B3GALT1: variants seen among roughly 807,000 people sequenced by gnomAD.
B3GALT1 encodes the protein UDP-Gal:betaGlcNAc beta 1,3-galactosyltransferase, polypeptide 1.
In B3GALT1, 10 loss-of-function variants were observed where a neutral mutation model predicts 23.2. The observed-to-expected ratio is 0.43, with a 90% CI of 0.27 to 0.73. The LOEUF (loss-of-function observed/expected upper bound fraction) is 0.73, where lower values mean the gene tolerates loss of function less well. B3GALT1 is among the 30% of genes least tolerant of loss of function. B3GALT1 has a pLI of 0.21. For missense variants in B3GALT1, 299 were observed against 405.4 expected (o/e 0.74, Z 2.25); for synonymous variants, 156 against 141.5 (o/e 1.10, Z -0.73).
chr2:167,351,745 TTCTC>T (rs1389370437), intron 1 of B3GALT1, among the ~76,000 whole-genome samples: 9 of 152,324 alleles, frequency 5.9e-5, no homozygotes, highest in Non-Finnish European at 1.2e-4. Flanking sequence ...TCAATTTTCT[TTCTC>T]TCTTACTTTT....
At chr2:167,462,784 G>A (rs2105326446) in intron 1 of B3GALT1, among the ~76,000 whole-genome samples, 1 of 152,154 alleles carries the variant, frequency 6.6e-6, no homozygotes, top group South Asian at 2.1e-4. Context: ...GTAATCTTTA[G>A]CTCATTATAA....
intron 4 of B3GALT1, among the ~76,000 whole-genome samples, chr2:167,850,155 G>A (rs1309865702): frequency 6.6e-6 from 1 of 152,100 alleles, no homozygotes; most frequent in Non-Finnish European, 1.5e-5. Context: ...TCTGACAAAG[G>A]ACTAATATCC....
chr2:167,499,676 TC>T (rs1699825517), intron 2 of B3GALT1, among the ~76,000 whole-genome samples: 1 of 152,066 alleles, frequency 6.6e-6, no homozygotes, highest in Non-Finnish European at 1.5e-5. Flanking sequence ...CATGGATTTT[TC>T]CCCCTTCCAC....
At chr2:167,813,411 A>T (rs1688931194) in intron 3 of B3GALT1, among the ~76,000 whole-genome samples, 1 of 152,208 alleles carries the variant, frequency 6.6e-6, no homozygotes, top group African/African-American at 2.4e-5. Context: ...GTCAACACTG[A>T]GTCACTTTTT....
intron 2 of B3GALT1, among the ~76,000 whole-genome samples, chr2:167,583,782 T>C (rs1344646903): frequency 6.6e-6 from 1 of 152,188 alleles, no homozygotes; most frequent in South Asian, 2.1e-4. Context: ...TGACAGAAAT[T>C]TTGGATTCTC....
intron 3 of B3GALT1, among the ~76,000 whole-genome samples, chr2:167,658,324 A>G (rs1685992673): frequency 6.6e-6 from 1 of 152,048 alleles, no homozygotes; most frequent in South Asian, 2.1e-4. Context: ...ATGCTGGTAG[A>G]AAAAAAATCC....
chr2:167,787,991 C>T (rs1165378744), intron 3 of B3GALT1, among the ~76,000 whole-genome samples: 2 of 152,094 alleles, frequency 1.3e-5, no homozygotes, highest in Non-Finnish European at 2.9e-5. Context: ...TCAGGTTGGA[C>T]CTTGCTGTCT....
intron 2 of B3GALT1, among the ~76,000 whole-genome samples, chr2:167,607,002 A>G (rs573574964): frequency 6.6e-6 from 1 of 152,316 alleles, no homozygotes; most frequent in African/African-American, 2.4e-5. Context: ...GGCCTACAAA[A>G]GATCCTGCAG....
At chr2:167,662,309 T>C (rs1417290727) in intron 3 of B3GALT1, among the ~76,000 whole-genome samples, 1 of 152,144 alleles carries the variant, frequency 6.6e-6, no homozygotes, top group Non-Finnish European at 1.5e-5. Flanking sequence ...TGATTGATTG[T>C]GGTTTCTCAT....
At chr2:167,464,861 A>G (rs191971638) in intron 1 of B3GALT1, among the ~76,000 whole-genome samples, 2 of 152,312 alleles carry the variant, frequency 1.3e-5, no homozygotes, top group Admixed American at 6.5e-5. Flanking sequence ...GATCACAAGA[A>G]TGTTTTTCAA....
Position 167,860,574 on chromosome 2 carries a change from G to T in B3GALT1, c.-229-8237G>T, listed in dbSNP as rs184380867. On this transcript the variant is annotated intron_variant, in intron 4 of 4. Coordinates refer to ENST00000392690, the MANE Select transcript of B3GALT1 (RefSeq NM_020981.4). ...AGTTATTCAGAGTCAATTAATAACA[G>T]AAGTTATTCAGAGTCAATTTTAACA... Among the ~76,000 whole-genome samples the T allele has an allele frequency of 1.7e-3, 262 of 152,276 alleles. 4 individuals are homozygous for T. Among genetic ancestry groups the T allele is most frequent in the Admixed American group, 0.015 (234 of 15,294 alleles).
chr2:167,835,116 G>A (rs1331254414), intron 4 of B3GALT1, among the ~76,000 whole-genome samples: 1 of 152,190 alleles, frequency 6.6e-6, no homozygotes. Flanking sequence ...CAGAAGACGG[G>A]TGATTTCTGC....
chr2:167,330,947 G>A lies in B3GALT1; in HGVS notation c.-511+37613G>A, dbSNP rs560453606. Among the ~76,000 whole-genome samples the A allele has an allele frequency of 5.9e-5, 9 of 152,018 alleles. No homozygotes were observed. The East Asian group carries it at 1.7e-3, about 29-fold the overall frequency. ...CTTTATGTTCATATCTGCACATCTA[G>A]TGTGACAGTGTTTTTTTCCCAAATT... On this transcript the variant is annotated intron_variant, in intron 1 of 4. Coordinates refer to ENST00000392690, the MANE Select transcript of B3GALT1 (RefSeq NM_020981.4).
chr2:167,304,239 C>T (rs1183708600), intron 1 of B3GALT1, among the ~76,000 whole-genome samples: 1 of 152,160 alleles, frequency 6.6e-6, no homozygotes, highest in Non-Finnish European at 1.5e-5. Context: ...GTCGTTTATG[C>T]AGCACTTGAG....
chr2:167,591,710 A>G (rs558265024), intron 2 of B3GALT1, among the ~76,000 whole-genome samples: 1 of 152,124 alleles, frequency 6.6e-6, no homozygotes, highest in East Asian at 1.9e-4. Flanking sequence ...CTGGCTCAAG[A>G]GATCCTTTCT....
At chr2:167,328,247 A>G (rs1696925922) in intron 1 of B3GALT1, among the ~76,000 whole-genome samples, 1 of 152,178 alleles carries the variant, frequency 6.6e-6, no homozygotes, top group Non-Finnish European at 1.5e-5. Flanking sequence ...AATGAGTTAG[A>G]AAGGATTCCT....
intron 1 of B3GALT1, among the ~76,000 whole-genome samples, chr2:167,478,801 A>G (rs1455970085): frequency 6.7e-6 from 1 of 150,016 alleles, no homozygotes; most frequent in African/African-American, 2.5e-5. Flanking sequence ...CCCACCTTTG[A>G]GTGAGAACAT....
chr2:167,775,517 C>T (rs1055950785), intron 3 of B3GALT1, among the ~76,000 whole-genome samples: 4 of 148,062 alleles, frequency 2.7e-5, no homozygotes, highest in East Asian at 2.0e-4. Context: ...TGCAGTGAGC[C>T]GAGATCACAC....
At chr2:167,493,568 A>T (rs1031365229) in intron 2 of B3GALT1, among the ~76,000 whole-genome samples, 6 of 152,238 alleles carry the variant, frequency 3.9e-5, no homozygotes, top group African/African-American at 1.4e-4. Context: ...TAACATTCTT[A>T]TGCAGTTTTT....
Sources: allele counts gnomAD v4.1 joint callset (sites outside exome capture counted in the v4.1 genomes callset), GRCh38; gene constraint gnomAD v4.1.1; transcripts MANE v1.5; gene names NCBI Gene and HGNC (gene_info 2026-07-23, HGNC 2026-07-21).